The following NEB variants were observed in gnomAD, a reference collection of about 807,000 sequenced individuals.
The protein encoded by NEB is nemaline myopathy type 2.
In NEB, 512 loss-of-function variants were observed where a neutral mutation model predicts 952.2. That is an observed-to-expected ratio of 0.54 (90% CI 0.50 to 0.58). The LOEUF (loss-of-function observed/expected upper bound fraction) is 0.58, where lower values mean the gene tolerates loss of function less well. Among genes scored for constraint, NEB ranks in the 20% least tolerant of loss-of-function variants. NEB has a pLI of 0.00. For missense variants in NEB, 8,428 were observed against 9,231.1 expected (o/e 0.91, Z 3.56); for synonymous variants, 2,900 against 3,149.8 (o/e 0.92, Z 2.66).
rs779584118 is a variant in NEB at position 151,610,743 on chromosome 2, C to A, written c.11910+19G>T. The A allele has an allele frequency of 3.1e-6, 5 of 1,598,268 alleles. No individual in the cohort carries two copies. The highest frequency in any genetic ancestry group is 4.3e-6 in the Non-Finnish European group (5 of 1,167,220). On this transcript the variant is annotated intron_variant, in intron 79 of 181. Coordinates refer to ENST00000397345, the MANE Select transcript of NEB (RefSeq NM_001164508.2). ...TTTAATTAATCTTAGGTTTAAGCAA[C>A]AATCAGGAAATCTCTTACTTGGCTG... is the stretch of plus-strand genomic sequence containing the variant.
intron 9 of NEB, among the ~76,000 whole-genome samples, chr2:151,719,752 A>G (rs932018752): frequency 6.6e-6 from 1 of 151,964 alleles, no homozygotes; most frequent in African/African-American, 2.4e-5. Flanking sequence ...GGTGGTGTGC[A>G]CCTGTAGTCC....
At chr2:151,525,685 A>G (rs7585717) in intron 150 of NEB, among the ~76,000 whole-genome samples, 101,089 of 152,000 alleles carry the variant, frequency 0.67, 33,876 homozygotes, top group East Asian at 0.77. Flanking sequence ...CTCCTAATCA[A>G]CAATGTTTCC....
At chr2:151,554,833 T>C (rs2095543897) in intron 125 of NEB, 98 bp downstream of exon 125, 4 of 892,888 alleles carry the variant, frequency 4.5e-6, no homozygotes, top group Non-Finnish European at 5.7e-6. Context: ...TATGTGGAAG[T>C]GCACTCTATG....
At chr2:151,498,944 GTTAGA>G (rs1010309409) in intron 169 of NEB, among the ~76,000 whole-genome samples, 26 of 151,914 alleles carry the variant, frequency 1.7e-4, no homozygotes, top group Admixed American at 9.8e-4. Context: ...GATAGAAAAG[GTTAGA>G]ATAAGAAACG....
chr2:151,491,626 G>A, intron 179 of NEB, 57 bp downstream of exon 179: 1 of 1,358,418 alleles, frequency 7.4e-7, no homozygotes, highest in Non-Finnish European at 1.0e-6. Context: ...GAAAGTCATT[G>A]ACTCTAGCAT....
chr2:151,718,718 C>A (rs1192649186), intron 9 of NEB, among the ~76,000 whole-genome samples: 1 of 152,276 alleles, frequency 6.6e-6, no homozygotes, highest in East Asian at 1.9e-4. Context: ...TTCTCACAAC[C>A]CCAAACTCTC....
chr2:151,546,460 G>A lies in NEB; in HGVS notation c.20368-17C>T, dbSNP rs751389797. Reference sequence around the variant, plus strand: ...GTATTTAATCTGAGAGGCAAACACAGAAATATAGCTGGTCATAAGCAAATG... The same window carrying A: ...GTATTTAATCTGAGAGGCAAACACAAAAATATAGCTGGTCATAAGCAAATG... On this transcript the variant is annotated splice_polypyrimidine_tract_variant and intron_variant, in intron 133 of 181. Transcript: ENST00000397345. 4 of 1,524,590 alleles carry A rather than the reference G, an allele frequency of 2.6e-6. No individual in the cohort carries two copies. In the Admixed American group the frequency reaches 6.7e-5, roughly 26 times the overall value. The allele number at this position is 1,524,590 out of a possible 1,614,324, so 94.4% of individuals were successfully genotyped here. A position where few individuals can be genotyped will look rare whatever the true frequency, so the allele number is the denominator to read the frequency against.
intron 164 of NEB, chr2:151,505,945 C>G: frequency 1.7e-6 from 1 of 584,044 alleles, no homozygotes; most frequent in Non-Finnish European, 3.1e-6. Context: ...TTCTCACAAG[C>G]CTCTCTGTTT....
chr2:151,513,727 C>G, intron 159 of NEB, 34 bp from the exon 160 acceptor site: 1 of 1,362,844 alleles, frequency 7.3e-7, no homozygotes, highest in Non-Finnish European at 1.0e-6. Flanking sequence ...AAAAAGGTAC[C>G]TAAATGCTAC....
intron 4 of NEB, 134 bp downstream of exon 4, chr2:151,729,481 G>A: frequency 5.1e-6 from 5 of 977,760 alleles, no homozygotes. Context: ...CCAGCTTCTG[G>A]GCACAGGTAG....
intron 4 of NEB, among the ~76,000 whole-genome samples, chr2:151,729,288 C>T (rs1270396567): frequency 1.3e-5 from 2 of 152,154 alleles, no homozygotes; most frequent in Non-Finnish European, 2.9e-5. Flanking sequence ...GGCTTGTTGT[C>T]ACCATCCCTC....
Position 151,491,787 on chromosome 2 carries a change from A to G in NEB, c.25058-12T>C. The G allele has an allele frequency of 6.4e-7, 1 of 1,563,866 alleles. No homozygotes were observed. Among genetic ancestry groups the G allele is most frequent in the Non-Finnish European group, 8.7e-7 (1 of 1,149,956 alleles). The stretch of plus-strand genomic sequence containing the variant: ...CCAGACACGTAAACCTGAAAGGGAA[A>G]CCAGTGATCAGAACAAGTGTTCTTG... On this transcript the variant is annotated splice_polypyrimidine_tract_variant and intron_variant, in intron 178 of 181. Coordinates refer to ENST00000397345, the MANE Select transcript of NEB (RefSeq NM_001164508.2).
In NEB at chr2:151,631,293, A is replaced by C; in HGVS notation, c.9468T>G (p.Ile3156Met). 6.2e-7 allele frequency: 1 copy of C among 1,613,832 alleles called. No homozygotes were observed. The highest frequency in any genetic ancestry group is 8.5e-7 in the Non-Finnish European group (1 of 1,179,830). Residue 3156 changes from isoleucine (I) to methionine (M), a missense_variant, in exon 66 of 182, where the codon ATT (isoleucine) becomes ATG (methionine). Ile to Met is a conservative substitution (Grantham distance 10). This residue lies in a region of NEB where 1,772 missense variants were observed against 1,960.3 expected (regional missense o/e 0.90). Transcript: ENST00000397345. Reference protein sequence around the residue: ...QWLRGIGWVPIGSMDVVKCKR... With the variant: ...QWLRGIGWVPMGSMDVVKCKR... ...TGCACTTGACCACATCCATAGACCC[A>C]ATGGGGACCCAGCCAATGCCTCTCA...
Position 151,546,013 on chromosome 2 carries a change from A to AC in NEB, c.20467-16_20467-15insG, listed in dbSNP as rs1553709365. On this transcript the variant is annotated splice_polypyrimidine_tract_variant and intron_variant, in intron 134 of 181. Coordinates refer to ENST00000397345, the MANE Select transcript of NEB (RefSeq NM_001164508.2). The stretch of plus-strand genomic sequence containing the variant: ...AGGTAATTAGACTTAAAAAAAAAAA[A>AC]AAAAACAGAAATACAAGTTGATTAA... 7.1e-7 allele frequency: 1 copy of AC among 1,417,302 alleles called. No individual in the cohort carries two copies. 87.8% of individuals were successfully genotyped at this position (1,417,302 alleles called of 1,614,324 possible).
chr2:151,578,620 C>T (rs958996539), intron 105 of NEB, among the ~76,000 whole-genome samples: 1 of 150,166 alleles, frequency 6.7e-6, no homozygotes, highest in Non-Finnish European at 1.5e-5. Flanking sequence ...GAGACTCCAG[C>T]CAGGGCCACA....
intron 148 of NEB, among the ~76,000 whole-genome samples, chr2:151,526,669 T>G (rs2153456874): frequency 6.6e-6 from 1 of 152,322 alleles, no homozygotes; most frequent in African/African-American, 2.4e-5. Flanking sequence ...GGGTCCTAAT[T>G]CCTGCTGTGT....
chr2:151,625,256 A>T (rs1276106083), intron 71 of NEB, among the ~76,000 whole-genome samples: 2 of 152,150 alleles, frequency 1.3e-5, no homozygotes, highest in Non-Finnish European at 1.5e-5. Context: ...TTTTAATGAA[A>T]ATTATGTTTT....
chr2:151,565,089 T>C lies in NEB; in HGVS notation c.18426A>G (p.Thr6142=). Residue 6142 remains threonine, a synonymous_variant, in exon 117 of 182, where the codon ACA becomes ACG. Transcript: ENST00000397345. ...TGTCTTTGGAGTGGGAGATATGTGG[T>C]GTATCTGGTGAAAACGTATATTTGC... is the stretch of plus-strand genomic sequence containing the variant. ...AKGKYTFSPD[T]PHISHSKDMG... is the part of the protein sequence containing the mutation. 1 of 1,601,914 alleles carries C rather than the reference T, an allele frequency of 6.2e-7. No homozygotes were observed. The highest frequency in any genetic ancestry group is 8.5e-7 in the Non-Finnish European group (1 of 1,170,560).
At position 151,512,603 on chromosome 2, in the gene NEB, T is replaced by C. The variant is rs13023600; in HGVS notation, c.23346+130A>G. On this transcript the variant is annotated intron_variant, in intron 161 of 181. Transcript: ENST00000397345. Reference sequence around the variant, plus strand: ...TGCTGGGAATACAGACGTGAGCCACTGCACCTGGTGAATCTCTTTTTTATT... The same window carrying C: ...TGCTGGGAATACAGACGTGAGCCACCGCACCTGGTGAATCTCTTTTTTATT... 752,530 of 753,048 alleles carry C rather than the reference T, an allele frequency of 1. 376,008 individuals carry two copies. The highest frequency in any genetic ancestry group is 1 in the South Asian group (62,479 of 62,480). 46.6% of individuals were successfully genotyped at this position (753,048 alleles called of 1,614,324 possible). A position where few individuals can be genotyped will look rare whatever the true frequency, so the allele number is the denominator to read the frequency against.
Sources: gnomAD v4.1 joint callset for allele counts (sites outside exome capture counted in the v4.1 genomes callset) on GRCh38, gnomAD v4.1.1 for gene constraint, gnomAD v4.1.1 regional missense constraint, MANE v1.5 for transcripts, NCBI Gene and HGNC (gene_info 2026-07-23, HGNC 2026-07-21) for gene names.